The following ZNF804B variants were observed in gnomAD, a reference collection of about 807,000 sequenced individuals.
ZNF804B encodes zinc finger 804B.
A neutral mutation model predicts 101.4 loss-of-function variants in ZNF804B; 80 were observed. The ratio of observed to expected loss-of-function variants is 0.79; its 90% CI spans 0.66 to 0.95. The LOEUF is 0.95. Ranked by LOEUF, ZNF804B falls within the 40% of genes least tolerant of loss-of-function variation. The pLI is 0.00. For missense variants in ZNF804B, 1,673 were observed against 1,561.9 expected (o/e 1.07, Z -1.20); for synonymous variants, 622 against 558.8 (o/e 1.11, Z -1.59).
intron 1 of ZNF804B, among the ~76,000 whole-genome samples, chr7:89,017,645 C>T (rs28872535): frequency 0.14 from 21,100 of 152,018 alleles, 1,894 homozygotes; most frequent in East Asian, 0.27. Context: ...TTTTTCTAGT[C>T]CATAAACATG....
intron 1 of ZNF804B, among the ~76,000 whole-genome samples, chr7:88,925,527 A>G (rs1490714960): frequency 6.6e-6 from 1 of 152,196 alleles, no homozygotes; most frequent in Non-Finnish European, 1.5e-5. Flanking sequence ...GAAAGACCAC[A>G]TGAGGACACA....
chr7:88,970,512 T>C (rs1793519233), intron 1 of ZNF804B, among the ~76,000 whole-genome samples: 1 of 151,546 alleles, frequency 6.6e-6, no homozygotes, highest in South Asian at 2.1e-4. Flanking sequence ...TAATATTAAT[T>C]TTTCTTTTGC....
At chr7:89,089,771 G>A (rs1406432541) in intron 1 of ZNF804B, among the ~76,000 whole-genome samples, 1 of 151,996 alleles carries the variant, frequency 6.6e-6, no homozygotes, top group Non-Finnish European at 1.5e-5. Flanking sequence ...TATTTAAAAT[G>A]CAGGTGTTGT....
At chr7:88,894,117 CTCTT>C (rs1464608877) in intron 1 of ZNF804B, among the ~76,000 whole-genome samples, 2 of 151,982 alleles carry the variant, frequency 1.3e-5, no homozygotes, top group South Asian at 4.1e-4. Flanking sequence ...GGATAAAACA[CTCTT>C]TATAAGTGTT....
In ZNF804B at chr7:89,336,343, A is replaced by T. The variant is rs539521409; in HGVS notation, c.3361A>T (p.Thr1121Ser). Residue 1121 changes from threonine (T) to serine (S), a missense_variant, in exon 4 of 4, where the codon ACT becomes TCT. Coordinates refer to ENST00000333190, the MANE Select transcript of ZNF804B (RefSeq NM_181646.5). Reference sequence around the variant, plus strand: ...AAATATAAACTCTTACTATGACAGAACTATGCAGAAACCTGACAAAGTCGA... The same window carrying T: ...AAATATAAACTCTTACTATGACAGATCTATGCAGAAACCTGACAAAGTCGA... ...EGNINSYYDRTMQKPDKVEDG... is the reference protein window; with the variant it reads ...EGNINSYYDRSMQKPDKVEDG... 34 of 1,613,912 alleles carry T rather than the reference A, an allele frequency of 2.1e-5. No individual in the cohort carries two copies. In the South Asian group the frequency reaches 3.6e-4, roughly 17 times the overall value.
intron 1 of ZNF804B, among the ~76,000 whole-genome samples, chr7:88,818,387 A>T (rs1329095843): frequency 6.6e-6 from 1 of 152,200 alleles, no homozygotes; most frequent in Non-Finnish European, 1.5e-5. Context: ...AGCAAAGGGG[A>T]TAATAATTAT....
At chr7:89,266,181 T>C (rs1466246907) in intron 2 of ZNF804B, among the ~76,000 whole-genome samples, 1 of 152,148 alleles carries the variant, frequency 6.6e-6, no homozygotes, top group Non-Finnish European at 1.5e-5. Context: ...TATTTGACTT[T>C]AACAAGCCAC....
rs371048069 is a variant in ZNF804B, at chr7:89,221,984, G to A, written c.249+3689G>A. On this transcript the variant is annotated intron_variant, in intron 2 of 3. Coordinates refer to ENST00000333190, the MANE Select transcript of ZNF804B (RefSeq NM_181646.5). The stretch of plus-strand genomic sequence containing the variant: ...GATCTTGTGATACATTAATTTAAGT[G>A]TTGTAAAAATTTTATACGTAGGACA... Among the ~76,000 whole-genome samples, 5 of 152,012 alleles carry A rather than the reference G, an allele frequency of 3.3e-5. 1 individual carries two copies. The highest frequency in any genetic ancestry group is 4.1e-4 in the South Asian group (2 of 4,824).
chr7:88,825,140 G>A (rs772092918), intron 1 of ZNF804B, among the ~76,000 whole-genome samples: 16 of 152,268 alleles, frequency 1.1e-4, no homozygotes, highest in Admixed American at 2.6e-4. Flanking sequence ...GAGTGCAGAA[G>A]GAGCTGAGTG....
At chr7:88,798,163 T>G (rs1397807624) in intron 1 of ZNF804B, among the ~76,000 whole-genome samples, 2 of 152,036 alleles carry the variant, frequency 1.3e-5, no homozygotes, top group African/African-American at 4.8e-5. Context: ...ACACAATATC[T>G]CTCTGATAAT....
At chr7:89,032,265 A>T (rs1285604794) in intron 1 of ZNF804B, among the ~76,000 whole-genome samples, 1 of 151,410 alleles carries the variant, frequency 6.6e-6, no homozygotes, top group East Asian at 2.0e-4. Flanking sequence ...TAGGAAATGT[A>T]TGCCCCGAAA....
At chr7:88,918,455 T>A (rs916348392) in intron 1 of ZNF804B, among the ~76,000 whole-genome samples, 1 of 152,148 alleles carries the variant, frequency 6.6e-6, no homozygotes, top group Non-Finnish European at 1.5e-5. Context: ...CATGAGTTAT[T>A]GCTCTATCTG....
intron 1 of ZNF804B, among the ~76,000 whole-genome samples, chr7:88,910,934 A>G (rs1282968875): frequency 6.6e-6 from 1 of 152,000 alleles, no homozygotes; most frequent in Non-Finnish European, 1.5e-5. Context: ...ATTTAAGAGT[A>G]ATAAATAATT....
intron 2 of ZNF804B, among the ~76,000 whole-genome samples, chr7:89,288,629 A>T (rs1790241002): frequency 6.6e-6 from 1 of 152,222 alleles, no homozygotes; most frequent in Non-Finnish European, 1.5e-5. Flanking sequence ...ATTGTCAACC[A>T]TAATTTGACA....
At chr7:88,851,489 G>A (rs901217957) in intron 1 of ZNF804B, among the ~76,000 whole-genome samples, 7 of 151,892 alleles carry the variant, frequency 4.6e-5, no homozygotes, top group African/African-American at 1.2e-4. Flanking sequence ...TTAAAATATC[G>A]AAACAAAGAA....
intron 1 of ZNF804B, among the ~76,000 whole-genome samples, chr7:88,963,307 A>G (rs1248019930): frequency 6.6e-6 from 1 of 151,320 alleles, no homozygotes; most frequent in Non-Finnish European, 1.5e-5. Context: ...TGGTGCTGGC[A>G]CAAAGCCAGA....
At chr7:89,199,846 T>C (rs993272171) in intron 1 of ZNF804B, among the ~76,000 whole-genome samples, 7 of 149,064 alleles carry the variant, frequency 4.7e-5, no homozygotes, top group African/African-American at 1.5e-4. Flanking sequence ...TGTGTGTGTA[T>C]ATATAATATA....
At chr7:89,173,974 A>G (rs998186602) in intron 1 of ZNF804B, among the ~76,000 whole-genome samples, 1 of 152,030 alleles carries the variant, frequency 6.6e-6, no homozygotes, top group Non-Finnish European at 1.5e-5. Flanking sequence ...GTAGGTATAT[A>G]TATTTATGGG....
chr7:88,763,649 AC>A (rs1789932937), intron 1 of ZNF804B, among the ~76,000 whole-genome samples: 1 of 152,154 alleles, frequency 6.6e-6, no homozygotes, highest in African/African-American at 2.4e-5. Context: ...TCTAAATTCT[AC>A]CACAATTTAT....
Sources: gnomAD v4.1 joint callset for allele counts (sites outside exome capture counted in the v4.1 genomes callset) on GRCh38, gnomAD v4.1.1 for gene constraint, MANE v1.5 for transcripts, NCBI Gene and HGNC (gene_info 2026-07-23, HGNC 2026-07-21) for gene names.